Variants in CSMD3 observed in about 807,000 individuals in gnomAD.
The protein encoded by CSMD3 is CUB and sushi domain-containing protein 3.
In CSMD3, 177 loss-of-function variants were observed where a neutral mutation model predicts 435.2. The ratio of observed to expected loss-of-function variants is 0.41; its 90% confidence interval spans 0.36 to 0.46. The LOEUF (loss-of-function observed/expected upper bound fraction) is 0.46, where lower values mean the gene tolerates loss of function less well. Among genes scored for constraint, CSMD3 ranks in the 20% least tolerant of loss-of-function variants. CSMD3 has a pLI of 0.34. For synonymous variants in CSMD3, 1,656 were observed against 1,520.5 expected (o/e 1.09, Z -2.07); for missense variants, 4,265 against 4,504.6 (o/e 0.95, Z 1.52).
At chr8:113,125,784 T>C (rs1330469617) in intron 4 of CSMD3, among the ~76,000 whole-genome samples, 1 of 151,726 alleles carries the variant, frequency 6.6e-6, no homozygotes, top group Non-Finnish European at 1.5e-5. Flanking sequence ...CATTGATGAG[T>C]TTTGGAGGAC....
intron 13 of CSMD3, among the ~76,000 whole-genome samples, chr8:112,748,496 C>T (rs930748761): frequency 1.3e-5 from 2 of 151,958 alleles, no homozygotes; most frequent in African/African-American, 2.4e-5. Flanking sequence ...CCTCCTCCCA[C>T]CCTCCCGCAT....
chr8:113,250,741 A>C (rs1482125940), intron 3 of CSMD3, among the ~76,000 whole-genome samples: 2 of 152,134 alleles, frequency 1.3e-5, no homozygotes, highest in Non-Finnish European at 2.9e-5. Flanking sequence ...GATGAGGAAC[A>C]TAATAGTGTT....
chr8:113,253,163 T>C (rs116902520), intron 3 of CSMD3, among the ~76,000 whole-genome samples: 4,505 of 152,158 alleles, frequency 0.03, 88 homozygotes, highest in Non-Finnish European at 0.04. Flanking sequence ...GTACCCAAGA[T>C]AGTTCAGTTT....
At chr8:113,162,665 C>CT (rs11375991) in intron 4 of CSMD3, among the ~76,000 whole-genome samples, 14,578 of 151,124 alleles carry the variant, frequency 0.096, 912 homozygotes, top group Middle Eastern at 0.17. Flanking sequence ...TGATGTTGCA[C>CT]TTTAACCTTA....
At chr8:113,053,754 T>A (rs1478834045) in intron 5 of CSMD3, among the ~76,000 whole-genome samples, 2 of 152,188 alleles carry the variant, frequency 1.3e-5, no homozygotes, top group Non-Finnish European at 2.9e-5. Context: ...TATTTGCTGC[T>A]ATGTATCATT....
intron 32 of CSMD3, among the ~76,000 whole-genome samples, chr8:112,456,345 C>A (rs540996599): frequency 1.3e-5 from 2 of 152,156 alleles, no homozygotes; most frequent in African/African-American, 2.4e-5. Flanking sequence ...GAAGGGCAAT[C>A]ACCAGACAGA....
At chr8:112,392,730 T>A (rs1318724630) in intron 35 of CSMD3, among the ~76,000 whole-genome samples, 1 of 151,996 alleles carries the variant, frequency 6.6e-6, no homozygotes, top group Non-Finnish European at 1.5e-5. Context: ...ATGTTTTCCA[T>A]GCACTATATT....
At chr8:112,460,669 TA>T (rs1166782754) in intron 32 of CSMD3, among the ~76,000 whole-genome samples, 1 of 152,108 alleles carries the variant, frequency 6.6e-6, no homozygotes, top group Non-Finnish European at 1.5e-5. Context: ...AAATAAATAT[TA>T]TAGAAGATTG....
chr8:113,288,483 A>G lies in CSMD3; in HGVS notation c.402-9779T>C, dbSNP rs561701242. Among the ~76,000 whole-genome samples the G allele has an allele frequency of 2.6e-5, 4 of 152,004 alleles. No individual in the cohort carries two copies. The South Asian group carries it at 6.2e-4, about 24-fold the overall frequency. ...TTCCAATTTGTTCTCTTTATGCTAC[A>G]AATACTTCAAACCTTCTATAATGTC... On this transcript the variant is annotated intron_variant, in intron 2 of 70. Transcript: ENST00000297405.
chr8:112,993,655 A>C (rs1173874420), intron 6 of CSMD3, among the ~76,000 whole-genome samples: 3 of 151,846 alleles, frequency 2.0e-5, no homozygotes, highest in Non-Finnish European at 2.9e-5. Context: ...TAAATTAACA[A>C]AGAAAGAAAA....
chr8:113,061,384 T>C (rs184656213), intron 5 of CSMD3, among the ~76,000 whole-genome samples: 4 of 152,148 alleles, frequency 2.6e-5, no homozygotes, highest in African/African-American at 7.2e-5. Flanking sequence ...AGAGTTTAAT[T>C]ATAATTCAGA....
At chr8:112,244,646 T>A in intron 64 of CSMD3, 73 bp from the exon 65 acceptor site, 1 of 1,123,392 alleles carries the variant, frequency 8.9e-7, no homozygotes, top group East Asian at 2.5e-5. Flanking sequence ...GGAGTCACAA[T>A]ATATTTCAGA....
chr8:113,190,801 T>C (rs780957921), intron 3 of CSMD3, among the ~76,000 whole-genome samples: 1 of 151,782 alleles, frequency 6.6e-6, no homozygotes, highest in African/African-American at 2.4e-5. Flanking sequence ...TTAGCAAAGG[T>C]ATTCATTGTT....
intron 32 of CSMD3, 31 bp downstream of exon 32, chr8:112,472,560 A>G (rs1473629954): frequency 8.8e-7 from 1 of 1,131,190 alleles, no homozygotes; most frequent in African/African-American, 1.5e-5. Context: ...GTCTGGATGA[A>G]ATACTACATA....
chr8:112,246,429 C>A (rs1426258643), intron 64 of CSMD3, among the ~76,000 whole-genome samples: 3 of 152,138 alleles, frequency 2.0e-5, no homozygotes, highest in African/African-American at 2.4e-5. Flanking sequence ...AGCCAAATAG[C>A]TGACCAGCTA....
rs1476419388 is a variant in CSMD3 at position 112,644,589 on chromosome 8, CTA to C, written c.3310+518_3310+519del. Among the ~76,000 whole-genome samples, 10 of 152,068 alleles carry C rather than the reference CTA, an allele frequency of 6.6e-5. No individual in the cohort carries two copies. The South Asian group carries it at 1.2e-3, about 19-fold the overall frequency. ...CTTATGCAGAGTGCAATTTTACACT[CTA>C]TGTGAGACATATCTATAGCTCTGTA... On this transcript the variant is annotated intron_variant, in intron 20 of 70. Coordinates refer to ENST00000297405, the MANE Select transcript of CSMD3 (RefSeq NM_198123.2).
chr8:113,145,835 T>C (rs1339964248), intron 4 of CSMD3, among the ~76,000 whole-genome samples: 1 of 151,550 alleles, frequency 6.6e-6, no homozygotes, highest in African/African-American at 2.4e-5. Flanking sequence ...AATGAGTCCC[T>C]ATTTTTTCCC....
intron 1 of CSMD3, among the ~76,000 whole-genome samples, chr8:113,411,074 TGGAA>T (rs1226687746): frequency 6.9e-6 from 1 of 144,538 alleles, no homozygotes; most frequent in Admixed American, 6.9e-5. Flanking sequence ...GAAGGAAGGA[TGGAA>T]GGAAGGAAGA....
chr8:112,312,024 AAAT>A (rs1399018384), intron 49 of CSMD3, among the ~76,000 whole-genome samples: 16 of 152,172 alleles, frequency 1.1e-4, no homozygotes, highest in Non-Finnish European at 1.6e-4. Context: ...ACTTTGTCAT[AAAT>A]AATAAGAACA....
Sources: allele counts gnomAD v4.1 joint callset (sites outside exome capture counted in the v4.1 genomes callset), GRCh38; gene constraint gnomAD v4.1.1; transcripts MANE v1.5; gene names NCBI Gene and HGNC (gene_info 2026-07-23, HGNC 2026-07-21).